The following DPP10 variants were observed in gnomAD, a reference collection of about 807,000 sequenced individuals.
DPP10 encodes the protein inactive dipeptidyl peptidase 10.
In DPP10, 33 loss-of-function variants were observed where a neutral mutation model predicts 120.9. The ratio of observed to expected loss-of-function variants is 0.27; its 90% CI spans 0.21 to 0.37. The LOEUF is 0.37. Among genes scored for constraint, DPP10 ranks in the 10% least tolerant of loss-of-function variants. DPP10 has a pLI of 1.00. For synonymous variants in DPP10, 337 were observed against 326.1 expected (o/e 1.03, Z -0.36); for missense variants, 816 against 942.8 (o/e 0.87, Z 1.76).
intron 2 of DPP10, among the ~76,000 whole-genome samples, chr2:115,341,773 T>C (rs2063458846): frequency 1.2e-5 from 1 of 81,438 alleles, no homozygotes; most frequent in Non-Finnish European, 2.8e-5. Context: ...TTTTCATGGC[T>C]TGATAGCTCA....
intron 1 of DPP10, among the ~76,000 whole-genome samples, chr2:114,890,800 G>A (rs769881135): frequency 6.6e-6 from 1 of 152,158 alleles, no homozygotes; most frequent in Non-Finnish European, 1.5e-5. Flanking sequence ...TTAGAGCACG[G>A]TAGCAGGGTA....
chr2:114,958,593 T>A (rs888461562), intron 1 of DPP10, among the ~76,000 whole-genome samples: 1 of 152,224 alleles, frequency 6.6e-6, no homozygotes, highest in Non-Finnish European at 1.5e-5. Flanking sequence ...CTTGATTTAA[T>A]CATTCTATAA....
At position 114,939,236 on chromosome 2, in the gene DPP10, G is replaced by A. The variant is rs1445718286; in HGVS notation, c.61-370003G>A. On this transcript the variant is annotated intron_variant, in intron 1 of 25. Coordinates refer to ENST00000410059, the MANE Select transcript of DPP10 (RefSeq NM_020868.6). The stretch of plus-strand genomic sequence containing the variant: ...TTCATCCTCATCATCTTCATGATGA[G>A]TGGGCTGAGGAGGAGGAGGAAGAGC... 3.9e-5 allele frequency among the ~76,000 whole-genome samples: 6 copies of A among 152,220 alleles called. No homozygotes were observed. The East Asian group carries it at 9.6e-4, about 24-fold the overall frequency.
intron 3 of DPP10, among the ~76,000 whole-genome samples, chr2:115,474,662 G>A (rs2074955336): frequency 6.7e-6 from 1 of 150,138 alleles, no homozygotes; most frequent in African/African-American, 2.5e-5. Context: ...CCTGAAACTG[G>A]AACTTATATT....
chr2:115,768,235 T>C, intron 12 of DPP10, 62 bp from the exon 13 acceptor site: 1 of 1,417,786 alleles, frequency 7.1e-7, no homozygotes, highest in Non-Finnish European at 9.9e-7. Context: ...GAATTAACAG[T>C]AGTAGGCAGC....
intron 1 of DPP10, among the ~76,000 whole-genome samples, chr2:115,100,066 A>T (rs1013749638): frequency 6.6e-6 from 1 of 152,148 alleles, no homozygotes; most frequent in African/African-American, 2.4e-5. Flanking sequence ...CTCTTTCCAG[A>T]GTGAAAAATA....
intron 1 of DPP10, among the ~76,000 whole-genome samples, chr2:114,665,178 G>A (rs1697827729): frequency 6.6e-6 from 1 of 152,216 alleles, no homozygotes; most frequent in Non-Finnish European, 1.5e-5. Context: ...TGTTGCCACA[G>A]TAAGTTGCTT....
At chr2:114,754,900 A>G (rs912802518) in intron 1 of DPP10, among the ~76,000 whole-genome samples, 1 of 152,222 alleles carries the variant, frequency 6.6e-6, no homozygotes, top group African/African-American at 2.4e-5. Context: ...ACTGTTTTAC[A>G]TGCTAAATAA....
intron 1 of DPP10, among the ~76,000 whole-genome samples, chr2:115,020,536 T>C (rs1241399799): frequency 6.6e-6 from 1 of 152,024 alleles, no homozygotes; most frequent in African/African-American, 2.4e-5. Context: ...ACCTAGGAAA[T>C]GAGATATATG....
At chr2:114,897,910 C>T in intron 1 of DPP10, among the ~76,000 whole-genome samples, 1 of 151,908 alleles carries the variant, frequency 6.6e-6, no homozygotes, top group East Asian at 1.9e-4. Flanking sequence ...GGACTGTAAA[C>T]TAGTTCAACC....
chr2:115,433,063 T>C (rs976139705), intron 3 of DPP10, among the ~76,000 whole-genome samples: 1 of 152,052 alleles, frequency 6.6e-6, no homozygotes, highest in Non-Finnish European at 1.5e-5. Flanking sequence ...ACAGTAAGGA[T>C]TGGAGACCGT....
chr2:115,386,067 T>C (rs1443896296), intron 3 of DPP10, among the ~76,000 whole-genome samples: 1 of 152,228 alleles, frequency 6.6e-6, no homozygotes, highest in African/African-American at 2.4e-5. Flanking sequence ...AATTGGTGTT[T>C]AGGCAATTTA....
At chr2:115,174,580 G>A (rs548340515) in intron 1 of DPP10, among the ~76,000 whole-genome samples, 1 of 152,308 alleles carries the variant, frequency 6.6e-6, no homozygotes, top group African/African-American at 2.4e-5. Flanking sequence ...ATAGCAAATA[G>A]TAAGAGAAAA....
At chr2:114,867,906 T>A (rs1263084256) in intron 1 of DPP10, among the ~76,000 whole-genome samples, 1 of 152,220 alleles carries the variant, frequency 6.6e-6, no homozygotes, top group Non-Finnish European at 1.5e-5. Flanking sequence ...AGCTCAGTCT[T>A]GACAGGGGTA....
At chr2:115,486,389 T>G (rs546113060) in intron 3 of DPP10, among the ~76,000 whole-genome samples, 1 of 152,188 alleles carries the variant, frequency 6.6e-6, no homozygotes. Flanking sequence ...AATTGGACAA[T>G]GTCAACAATG....
intron 1 of DPP10, among the ~76,000 whole-genome samples, chr2:114,934,838 T>C (rs891434900): frequency 7.2e-5 from 11 of 152,118 alleles, no homozygotes; most frequent in African/African-American, 2.7e-4. Context: ...TAGAAAGTAG[T>C]ATCATAGCGT....
intron 5 of DPP10, among the ~76,000 whole-genome samples, chr2:115,562,446 C>G (rs1241127120): frequency 1.3e-5 from 2 of 152,180 alleles, no homozygotes; most frequent in Non-Finnish European, 2.9e-5. Flanking sequence ...CAGCATCCCC[C>G]TAAGATCAAT....
intron 1 of DPP10, among the ~76,000 whole-genome samples, chr2:114,470,118 G>T (rs1679784628): frequency 6.6e-6 from 1 of 152,214 alleles, no homozygotes; most frequent in South Asian, 2.1e-4. Context: ...TAAGTGGTTA[G>T]TTAGACTAAA....
chr2:114,865,596 G>T (rs1369231478), intron 1 of DPP10, among the ~76,000 whole-genome samples: 2 of 152,194 alleles, frequency 1.3e-5, no homozygotes, highest in South Asian at 4.1e-4. Context: ...TCAAGTGAGA[G>T]TGAAGATGCT....
Sources: allele counts gnomAD v4.1 joint callset (sites outside exome capture counted in the v4.1 genomes callset), GRCh38; gene constraint gnomAD v4.1.1; transcripts MANE v1.5; gene names NCBI Gene and HGNC (gene_info 2026-07-23, HGNC 2026-07-21).